MINDY2: variants seen among roughly 807,000 people sequenced by gnomAD.
The protein encoded by MINDY2 is MINDY lysine 48 deubiquitinase 2, also known as ubiquitin carboxyl-terminal hydrolase MINDY-2.
MINDY2 carries 52 observed loss-of-function variants against 68.2 expected under a neutral mutation model. That is an observed-to-expected ratio of 0.76 (90% CI 0.61 to 0.96). The LOEUF (loss-of-function observed/expected upper bound fraction) is 0.96. Among genes scored for constraint, MINDY2 ranks in the 40% least tolerant of loss-of-function variants. MINDY2 has a pLI of 0.00. For missense variants in MINDY2, 881 were observed against 773.4 expected, an observed-to-expected ratio of 1.14 and a Z score of -1.65; for synonymous variants, 372 against 303.0, an observed-to-expected ratio of 1.23 and a Z score of -2.36.
chr15:58,788,857 C>A (rs368749431), intron 2 of MINDY2, among the ~76,000 whole-genome samples: 1 of 151,468 alleles, frequency 6.6e-6, no homozygotes. Context: ...ACTAAAAATA[C>A]AAAAATTAGC....
At chr15:58,835,958 G>A (rs1271649143) in intron 6 of MINDY2, among the ~76,000 whole-genome samples, 2 of 152,092 alleles carry the variant, frequency 1.3e-5, no homozygotes, top group Admixed American at 6.5e-5. Context: ...CACCCAGGCT[G>A]GAGTGCAATG....
At chr15:58,835,414 A>G (rs902037460) in intron 6 of MINDY2, among the ~76,000 whole-genome samples, 4 of 152,122 alleles carry the variant, frequency 2.6e-5, no homozygotes, top group Non-Finnish European at 4.4e-5. Flanking sequence ...GCACTTTAGG[A>G]GGCCGAGGCG....
chr15:58,803,541 A>G (rs1902814644), intron 3 of MINDY2, among the ~76,000 whole-genome samples: 1 of 142,428 alleles, frequency 7.0e-6, no homozygotes, highest in Non-Finnish European at 1.5e-5. Flanking sequence ...TCTAGGCCAG[A>G]TGCGGTGACT....
chr15:58,800,412 G>A (rs1191552079), intron 2 of MINDY2, among the ~76,000 whole-genome samples: 2 of 151,692 alleles, frequency 1.3e-5, no homozygotes, highest in South Asian at 2.1e-4. Context: ...AAAGATCCCT[G>A]TGATCTTTTA....
chr15:58,824,933 G>C (rs1015669038), intron 5 of MINDY2, among the ~76,000 whole-genome samples: 14 of 152,052 alleles, frequency 9.2e-5, no homozygotes, highest in African/African-American at 2.9e-4. Context: ...ACCTCCCAAA[G>C]TGCTGCAACT....
At chr15:58,795,253 C>G (rs1428374061) in intron 2 of MINDY2, among the ~76,000 whole-genome samples, 1 of 151,994 alleles carries the variant, frequency 6.6e-6, no homozygotes, top group Non-Finnish European at 1.5e-5. Flanking sequence ...CCAAGATTCT[C>G]CCTTGAAGTT....
intron 8 of MINDY2, among the ~76,000 whole-genome samples, chr15:58,852,168 A>G (rs2032849808): frequency 6.6e-6 from 1 of 151,082 alleles, no homozygotes; most frequent in Non-Finnish European, 1.5e-5. Flanking sequence ...GAACACTTGT[A>G]ATCCCAGCTA....
chr15:58,813,495 C>T, intron 4 of MINDY2, among the ~76,000 whole-genome samples: 1 of 152,228 alleles, frequency 6.6e-6, no homozygotes, highest in East Asian at 1.9e-4. Flanking sequence ...GACTCTATCT[C>T]AAACTGCTGT....
intron 4 of MINDY2, among the ~76,000 whole-genome samples, chr15:58,819,256 C>G (rs1318513598): frequency 1.3e-5 from 2 of 152,120 alleles, no homozygotes; most frequent in African/African-American, 4.8e-5. Context: ...TGAGACCAGC[C>G]TGGACAACGT....
chr15:58,808,180 C>T (rs1298047459), intron 3 of MINDY2, among the ~76,000 whole-genome samples: 1 of 152,166 alleles, frequency 6.6e-6, no homozygotes, highest in African/African-American at 2.4e-5. Context: ...CATCCCGCAT[C>T]AGAGTGGTTC....
chr15:58,827,878 A>G (rs11071398), intron 5 of MINDY2, among the ~76,000 whole-genome samples: 82,972 of 151,946 alleles, frequency 0.55, 25,093 homozygotes, highest in East Asian at 0.96. Context: ...ATCTTTACTT[A>G]AGCACTTATT....
Position 58,788,824 on chromosome 15 carries a change from A to C in MINDY2, c.898+861A>C, listed in dbSNP as rs1370569464. ...CAATAATTTGAGACCTGCCTGGCCA[A>C]CATGGTGAAACCCTGTGTGTCTACT... On this transcript the variant is annotated intron_variant, in intron 2 of 8. Transcript: ENST00000559228. Among the ~76,000 whole-genome samples, 3 of 151,892 alleles carry C rather than the reference A, an allele frequency of 2.0e-5. No individual in the cohort carries two copies. The East Asian group carries it at 5.8e-4, about 29-fold the overall frequency.
rs904708210 is a variant in MINDY2 at position 58,772,028 on chromosome 15, G to A, written c.633G>A (p.Leu211=). Residue 211 remains leucine, a synonymous_variant, in exon 1 of 9, where the codon TTG becomes TTA. Coordinates refer to ENST00000559228, the MANE Select transcript of MINDY2 (RefSeq NM_001040450.3). ...VPEEEEGAAV[L]PGAVPLCKEE... ...AGGAGGAGGAGGGCGCGGCGGTGTT[G>A]CCCGGGGCTGTTCCTCTGTGCAAGG... 1.2e-6 allele frequency: 2 copies of A among 1,601,708 alleles called. No individual in the cohort carries two copies. Among genetic ancestry groups the A allele is most frequent in the Non-Finnish European group, 1.7e-6 (2 of 1,173,846 alleles).
chr15:58,833,791 C>G (rs1339335337), intron 6 of MINDY2, among the ~76,000 whole-genome samples: 1 of 151,818 alleles, frequency 6.6e-6, no homozygotes. Flanking sequence ...TGCTCAGGGA[C>G]AAGCAGGAGA....
intron 7 of MINDY2, among the ~76,000 whole-genome samples, chr15:58,851,127 C>T (rs2032788822): frequency 6.6e-6 from 1 of 152,052 alleles, no homozygotes; most frequent in South Asian, 2.1e-4. Context: ...GTGTGCACCA[C>T]CACACCTGGC....
In MINDY2 at chr15:58,794,358, G is replaced by T. The variant is rs866201219; in HGVS notation, c.898+6395G>T. Among the ~76,000 whole-genome samples, 58 of 139,182 alleles carry T rather than the reference G, an allele frequency of 4.2e-4. 1 individual carries two copies. The highest frequency in any genetic ancestry group is 3.7e-3 in the Middle Eastern group (1 of 268). 91.3% of individuals were successfully genotyped at this position (139,182 alleles called of 152,430 possible). On this transcript the variant is annotated intron_variant, in intron 2 of 8. Coordinates refer to ENST00000559228, the MANE Select transcript of MINDY2 (RefSeq NM_001040450.3). ...AAAGTAGAATAAAAGTTTTTTTTGG[G>T]GTGTGTGTGTGTGTGTGTGTGTGTG...
chr15:58,855,421 C>T lies in MINDY2; in HGVS notation c.*811C>T, dbSNP rs1416948513. On this transcript the variant is annotated 3_prime_UTR_variant, in exon 9 of 9. Coordinates refer to ENST00000559228, the MANE Select transcript of MINDY2 (RefSeq NM_001040450.3). ...ATGTGATTGAGTGTATGGAGGAAAG[C>T]ACAGTGGATGCTAGGCTTTGTAAAT... The T allele has an allele frequency of 6.6e-6, 1 of 152,560 alleles. No individual in the cohort carries two copies. The highest frequency in any genetic ancestry group is 2.4e-5 in the African/African-American group (1 of 41,408). The allele number at this position is 152,560 out of a possible 1,614,324, so 9.5% of individuals were successfully genotyped here. A position where few individuals can be genotyped will look rare whatever the true frequency, so the allele number is the denominator to read the frequency against.
intron 5 of MINDY2, among the ~76,000 whole-genome samples, chr15:58,824,671 CTTTTTT>C (rs559754099): frequency 7.4e-6 from 1 of 135,182 alleles, no homozygotes; most frequent in African/African-American, 2.8e-5. Flanking sequence ...ATCATATTAT[CTTTTTT>C]TTTTTTTTTT....
intron 6 of MINDY2, among the ~76,000 whole-genome samples, chr15:58,844,392 CA>C (rs766087273): frequency 1.8e-4 from 26 of 145,144 alleles, no homozygotes; most frequent in South Asian, 1.5e-3. Flanking sequence ...CTAAAAAATA[CA>C]AAAAAAAAAT....
Sources: allele counts gnomAD v4.1 joint callset (sites outside exome capture counted in the v4.1 genomes callset), GRCh38; gene constraint gnomAD v4.1.1; transcripts MANE v1.5; gene names NCBI Gene and HGNC (gene_info 2026-07-23, HGNC 2026-07-21).